SGCZ: variants seen among roughly 807,000 people sequenced by gnomAD.
The protein encoded by SGCZ is sarcoglycan zeta.
In SGCZ, 40 loss-of-function variants were observed where a neutral mutation model predicts 41.3. The ratio of observed to expected loss-of-function variants is 0.97; its 90% confidence interval spans 0.75 to 1.26. The LOEUF is 1.26. Among genes scored for constraint, SGCZ ranks in the 50% most tolerant of loss-of-function variants. SGCZ has a pLI of 0.00. For synonymous variants in SGCZ, 206 were observed against 137.5 expected (o/e 1.50, Z -3.49); for missense variants, 552 against 369.8 (o/e 1.49, Z -4.04).
intron 2 of SGCZ, among the ~76,000 whole-genome samples, chr8:14,478,032 GA>G (rs1472057378): frequency 6.6e-6 from 1 of 152,220 alleles, no homozygotes; most frequent in Non-Finnish European, 1.5e-5. Context: ...TGATGAATAT[GA>G]AAAGCAGAGA....
chr8:14,700,615 G>A (rs1809104737), intron 1 of SGCZ, among the ~76,000 whole-genome samples: 1 of 151,682 alleles, frequency 6.6e-6, no homozygotes, highest in South Asian at 2.1e-4. Flanking sequence ...TAAAATAAAA[G>A]TTGATTCAAA....
At chr8:15,056,318 T>C (rs17120814) in intron 1 of SGCZ, among the ~76,000 whole-genome samples, 1,692 of 152,334 alleles carry the variant, frequency 0.011, 26 homozygotes, top group African/African-American at 0.039. Context: ...GAATATGTTA[T>C]TGTTTTCTGT....
intron 1 of SGCZ, among the ~76,000 whole-genome samples, chr8:14,846,661 T>C (rs1329093237): frequency 7.1e-5 from 10 of 140,234 alleles, no homozygotes; most frequent in Admixed American, 5.9e-4. Context: ...TATCTCTGTA[T>C]ATATTTCAAC....
chr8:14,651,660 T>G (rs1274737882), intron 1 of SGCZ, among the ~76,000 whole-genome samples: 4 of 152,052 alleles, frequency 2.6e-5, no homozygotes, highest in African/African-American at 4.8e-5. Context: ...ATGCACAAAT[T>G]TTGTATTAAT....
intron 3 of SGCZ, among the ~76,000 whole-genome samples, chr8:14,268,321 A>G (rs1312832057): frequency 6.7e-6 from 1 of 149,626 alleles, no homozygotes; most frequent in Non-Finnish European, 1.5e-5. Flanking sequence ...TTAAAAGCAA[A>G]TCAATGATAA....
intron 2 of SGCZ, among the ~76,000 whole-genome samples, chr8:14,522,696 AT>A (rs369960479): frequency 1.2e-4 from 18 of 150,636 alleles, no homozygotes; most frequent in African/African-American, 3.9e-4. Context: ...GTTTTTTCTT[AT>A]TTTTTTCCAT....
chr8:14,545,624 T>C (rs984374586), intron 2 of SGCZ, among the ~76,000 whole-genome samples: 1 of 152,222 alleles, frequency 6.6e-6, no homozygotes, highest in Non-Finnish European at 1.5e-5. Context: ...TAATCTACTT[T>C]ATGTCCTGGC....
intron 1 of SGCZ, among the ~76,000 whole-genome samples, chr8:14,908,147 T>A (rs1799173686): frequency 6.6e-6 from 1 of 152,176 alleles, no homozygotes; most frequent in Admixed American, 6.5e-5. Flanking sequence ...TTCTGTCTCT[T>A]TGATGAGTTG....
chr8:15,080,602 TTTA>T (rs1805706531), intron 1 of SGCZ, among the ~76,000 whole-genome samples: 3 of 151,830 alleles, frequency 2.0e-5, no homozygotes, highest in Admixed American at 2.0e-4. Flanking sequence ...TATTTATTTA[TTTA>T]TTTTGAGACA....
chr8:14,095,106 C>G (rs953220467), intron 7 of SGCZ, among the ~76,000 whole-genome samples: 3 of 152,232 alleles, frequency 2.0e-5, no homozygotes, highest in Admixed American at 6.5e-5. Context: ...GTTTCTTTTG[C>G]TCTGAAGAAG....
intron 2 of SGCZ, among the ~76,000 whole-genome samples, chr8:14,462,397 G>A (rs1453185021): frequency 2.0e-5 from 3 of 151,898 alleles, no homozygotes; most frequent in Admixed American, 1.3e-4. Context: ...ACTATTTAGT[G>A]TTGTTTAGTA....
At chr8:14,976,195 G>C (rs983872867) in intron 1 of SGCZ, among the ~76,000 whole-genome samples, 1 of 151,570 alleles carries the variant, frequency 6.6e-6, no homozygotes, top group African/African-American at 2.4e-5. Flanking sequence ...CTAATTTTTT[G>C]TGTTTTTAGT....
intron 1 of SGCZ, among the ~76,000 whole-genome samples, chr8:14,841,671 G>T (rs1211348352): frequency 1.3e-5 from 2 of 152,132 alleles, no homozygotes; most frequent in Non-Finnish European, 2.9e-5. Context: ...AGTGCTATTG[G>T]AAGGGACAAG....
chr8:14,356,669 G>C (rs774365480), intron 2 of SGCZ, among the ~76,000 whole-genome samples: 1 of 151,576 alleles, frequency 6.6e-6, no homozygotes, highest in Non-Finnish European at 1.5e-5. Context: ...ACCAACTCAA[G>C]GCATAATTTT....
intron 1 of SGCZ, among the ~76,000 whole-genome samples, chr8:14,915,968 C>A (rs1005682757): frequency 2.0e-5 from 3 of 152,090 alleles, no homozygotes; most frequent in Non-Finnish European, 2.9e-5. Flanking sequence ...TGTGTTCCAG[C>A]AGACTGTTAA....
At position 14,804,350 on chromosome 8, in the gene SGCZ, A is replaced by G. The variant is rs868212292; in HGVS notation, c.40-249424T>C. Among the ~76,000 whole-genome samples the G allele has an allele frequency of 2.3e-3, 278 of 118,514 alleles. 8 individuals are homozygous for G. The highest frequency in any genetic ancestry group is 0.016 in the Middle Eastern group (4 of 244). The allele number at this position is 118,514 out of a possible 152,430, so 77.7% of individuals were successfully genotyped here. On this transcript the variant is annotated intron_variant, in intron 1 of 7. Transcript: ENST00000382080. ...CTTTGAAAAAAATTTAGAAGAATGT[A>G]TAACTAGAATAACCAATACAGAGAA...
intron 1 of SGCZ, among the ~76,000 whole-genome samples, chr8:15,076,089 C>A (rs1162324290): frequency 6.6e-6 from 1 of 152,016 alleles, no homozygotes; most frequent in African/African-American, 2.4e-5. Flanking sequence ...TAATAGATAC[C>A]TTTTTTCCTT....
intron 5 of SGCZ, among the ~76,000 whole-genome samples, chr8:14,127,149 A>T (rs55701072): frequency 0.063 from 9,569 of 152,114 alleles, 977 homozygotes; most frequent in African/African-American, 0.22. Context: ...GTATCCTGGG[A>T]CTTAAAGTAA....
At chr8:14,118,848 A>T (rs1185403586) in intron 5 of SGCZ, among the ~76,000 whole-genome samples, 1 of 151,992 alleles carries the variant, frequency 6.6e-6, no homozygotes, top group Non-Finnish European at 1.5e-5. Flanking sequence ...TTTTTGTCAG[A>T]TTTGTCAAAG....
Sources: gnomAD v4.1 joint callset for allele counts (sites outside exome capture counted in the v4.1 genomes callset) on GRCh38, gnomAD v4.1.1 for gene constraint, MANE v1.5 for transcripts, NCBI Gene and HGNC (gene_info 2026-07-23, HGNC 2026-07-21) for gene names.